VTI1A: variants seen among roughly 807,000 people sequenced by gnomAD.
VTI1A encodes the protein vesicle transport through interaction with t-SNAREs homolog 1A.
VTI1A carries 22 observed loss-of-function variants against 34.9 expected under a neutral mutation model. The ratio of observed to expected loss-of-function variants is 0.63; its 90% CI spans 0.45 to 0.90. The LOEUF (loss-of-function observed/expected upper bound fraction) is 0.90, where lower values mean the gene tolerates loss of function less well. Ranked by LOEUF, VTI1A falls within the 40% of genes least tolerant of loss-of-function variation. The pLI, the probability that VTI1A is intolerant of heterozygous loss-of-function variation, is 0.00. For synonymous variants in VTI1A, 87 were observed against 97.3 expected (o/e 0.89, Z 0.62); for missense variants, 268 against 275.6 (o/e 0.97, Z 0.20).
intron 7 of VTI1A, among the ~76,000 whole-genome samples, chr10:112,805,114 C>A (rs1377176540): frequency 6.6e-6 from 1 of 151,976 alleles, no homozygotes; most frequent in African/African-American, 2.4e-5. Flanking sequence ...GATCCTCCCA[C>A]CATAGCCTCC....
At chr10:112,549,624 ACTTTTT>A (rs1233644589) in intron 5 of VTI1A, among the ~76,000 whole-genome samples, 1 of 152,230 alleles carries the variant, frequency 6.6e-6, no homozygotes, top group Non-Finnish European at 1.5e-5. Flanking sequence ...GAAATATTAA[ACTTTTT>A]GACAGAGAAA....
intron 5 of VTI1A, among the ~76,000 whole-genome samples, chr10:112,552,967 G>A (rs1047930060): frequency 6.6e-6 from 1 of 152,172 alleles, no homozygotes; most frequent in African/African-American, 2.4e-5. Flanking sequence ...AAGGTGTAGT[G>A]TATCTCTCTC....
At chr10:112,587,414 A>C (rs1314416429) in intron 5 of VTI1A, among the ~76,000 whole-genome samples, 1 of 152,190 alleles carries the variant, frequency 6.6e-6, no homozygotes, top group African/African-American at 2.4e-5. Flanking sequence ...AAAAGCTGGC[A>C]TAAAAAAATA....
chr10:112,452,638 A>G (rs756855283), intron 1 of VTI1A, among the ~76,000 whole-genome samples: 2 of 151,834 alleles, frequency 1.3e-5, no homozygotes, highest in African/African-American at 4.8e-5. Flanking sequence ...CATATAAACA[A>G]TTGTGTGTGT....
At chr10:112,452,914 A>G (rs1245003027) in intron 1 of VTI1A, among the ~76,000 whole-genome samples, 1 of 151,182 alleles carries the variant, frequency 6.6e-6, no homozygotes, top group Non-Finnish European at 1.5e-5. Flanking sequence ...ATTATTATTA[A>G]CTAAAGGTCA....
chr10:112,719,383 A>G (rs1306545548), intron 7 of VTI1A, among the ~76,000 whole-genome samples: 1 of 152,196 alleles, frequency 6.6e-6, no homozygotes, highest in Non-Finnish European at 1.5e-5. Flanking sequence ...GATTAAATGG[A>G]ACTGATTCTT....
In VTI1A at chr10:112,759,079, C is replaced by T. The variant is rs537195110; in HGVS notation, c.561-56211C>T. 2.0e-4 allele frequency among the ~76,000 whole-genome samples: 30 copies of T among 152,264 alleles called. 1 individual carries two copies. In the East Asian group the frequency reaches 5.8e-3, roughly 29 times the overall value. ...CCAGGCCTCCCCTGCCTCCCTACCC[C>T]AGCCGGCTACCAGAGGGGAGGTCTT... On this transcript the variant is annotated intron_variant, in intron 7 of 7. Transcript: ENST00000393077.
intron 7 of VTI1A, among the ~76,000 whole-genome samples, chr10:112,812,603 G>A (rs1227389025): frequency 1.3e-5 from 2 of 152,136 alleles, no homozygotes; most frequent in Non-Finnish European, 2.9e-5. Flanking sequence ...CTGGTCCTGA[G>A]GGGTATCACA....
intron 7 of VTI1A, among the ~76,000 whole-genome samples, chr10:112,790,500 T>A (rs1331908920): frequency 6.6e-6 from 1 of 152,220 alleles, no homozygotes; most frequent in Non-Finnish European, 1.5e-5. Flanking sequence ...AACTTTAGGC[T>A]AGCAGAGGTG....
intron 5 of VTI1A, among the ~76,000 whole-genome samples, chr10:112,638,879 C>T (rs952248983): frequency 1.4e-5 from 2 of 147,246 alleles, no homozygotes; most frequent in Admixed American, 6.9e-5. Flanking sequence ...AAAAACTGTA[C>T]TAGAAATAGG....
chr10:112,797,697 AT>A (rs76843164), intron 7 of VTI1A, among the ~76,000 whole-genome samples: 3,151 of 68,864 alleles, frequency 0.046, 99 homozygotes, highest in African/African-American at 0.092. Flanking sequence ...TGACGTGAGG[AT>A]TTTTTGTTTG....
chr10:112,747,462 G>T (rs1018400106), intron 7 of VTI1A, among the ~76,000 whole-genome samples: 1 of 152,214 alleles, frequency 6.6e-6, no homozygotes, highest in Non-Finnish European at 1.5e-5. Flanking sequence ...ACGATAGGCA[G>T]TTATAACACA....
rs1230292085 is a variant in VTI1A at position 112,594,187 on chromosome 10, G to A, written c.427+55857G>A. On this transcript the variant is annotated intron_variant, in intron 5 of 7. Coordinates refer to ENST00000393077, the MANE Select transcript of VTI1A (RefSeq NM_145206.4). Reference sequence around the variant, plus strand: ...CTCCCAAAGTGCTGGGATTACAGGCGTGAGCCACTGCGCCCGGCCGGTCTC... The same window carrying A: ...CTCCCAAAGTGCTGGGATTACAGGCATGAGCCACTGCGCCCGGCCGGTCTC... 5.3e-5 allele frequency among the ~76,000 whole-genome samples: 8 copies of A among 152,258 alleles called. No homozygotes were observed. The East Asian group carries it at 1.2e-3, about 22-fold the overall frequency.
intron 7 of VTI1A, chr10:112,752,393 A>G (rs1851134538): frequency 9.1e-6 from 9 of 985,440 alleles, no homozygotes; most frequent in Non-Finnish European, 1.1e-5. Context: ...AGTCTGAAGC[A>G]GAGCTGATAT....
intron 5 of VTI1A, among the ~76,000 whole-genome samples, chr10:112,588,614 A>G (rs571134149): frequency 1.3e-5 from 2 of 152,362 alleles, no homozygotes; most frequent in South Asian, 4.1e-4. Context: ...GTTTCACTCC[A>G]AATGGTTTAA....
rs1236637905 is a variant in VTI1A at position 112,707,139 on chromosome 10, G to T, written c.560+38141G>T. Among the ~76,000 whole-genome samples, 6 of 152,038 alleles carry T rather than the reference G, an allele frequency of 3.9e-5. 1 individual carries two copies. The highest frequency in any genetic ancestry group is 7.3e-5 in the African/African-American group (3 of 41,376). On this transcript the variant is annotated intron_variant, in intron 7 of 7. Coordinates refer to ENST00000393077, the MANE Select transcript of VTI1A (RefSeq NM_145206.4). ...CTCATCCTCCATTGAACCATTGGGG[G>T]TTTTTTGTGGCGCGGGGAGGGGTTG...
chr10:112,573,950 G>A (rs1481048880), intron 5 of VTI1A, among the ~76,000 whole-genome samples: 1 of 152,148 alleles, frequency 6.6e-6, no homozygotes, highest in Non-Finnish European at 1.5e-5. Flanking sequence ...AGAAGCTTCA[G>A]AATATGATAA....
At chr10:112,781,736 T>G (rs934399061) in intron 7 of VTI1A, among the ~76,000 whole-genome samples, 29 of 148,332 alleles carry the variant, frequency 2.0e-4, no homozygotes, top group African/African-American at 6.7e-4. Flanking sequence ...ACACTCATAG[T>G]CCCAGCTACT....
chr10:112,795,854 G>C (rs369942965), intron 7 of VTI1A, among the ~76,000 whole-genome samples: 1 of 151,804 alleles, frequency 6.6e-6, no homozygotes, highest in African/African-American at 2.4e-5. Context: ...AATAAGATAC[G>C]GTAATTCAAG....
Sources: gnomAD v4.1 joint callset for allele counts (sites outside exome capture counted in the v4.1 genomes callset) on GRCh38, gnomAD v4.1.1 for gene constraint, MANE v1.5 for transcripts, NCBI Gene and HGNC (gene_info 2026-07-23, HGNC 2026-07-21) for gene names.